The following SLC44A5 variants were observed in gnomAD, a reference collection of about 807,000 sequenced individuals.
The protein encoded by SLC44A5 is solute carrier family 44 member 5.
A neutral mutation model predicts 101.8 loss-of-function variants in SLC44A5; 57 were observed. The ratio of observed to expected loss-of-function variants is 0.56; its 90% CI spans 0.45 to 0.70. The LOEUF is 0.70. SLC44A5 is among the 30% of genes least tolerant of loss of function. The pLI is 0.00. For missense variants in SLC44A5, 737 were observed against 853.1 expected, an observed-to-expected ratio of 0.86 and a Z score of 1.70; for synonymous variants, 281 against 290.9, an observed-to-expected ratio of 0.97 and a Z score of 0.35.
chr1:75,675,576 T>C, the SLC44A5 span, among the ~76,000 whole-genome samples: 7 of 152,116 alleles, frequency 4.6e-5, no homozygotes, highest in African/African-American at 1.7e-4. Context: ...AAGACTTAAA[T>C]ATAAAATCAA....
chr1:75,723,554 C>T, the SLC44A5 span: 2 of 152,092 alleles, frequency 1.3e-5, no homozygotes, highest in African/African-American at 4.8e-5. Context: ...TGATTTTGTG[C>T]TTTTCGTTCA....
intron 14 of SLC44A5, among the ~76,000 whole-genome samples, chr1:75,221,277 T>C (rs1475586699): frequency 6.6e-6 from 1 of 152,212 alleles, no homozygotes. Context: ...TCATTAACAA[T>C]GTAGTTTCCA....
At chr1:75,320,493 G>A (rs1570666319) in intron 4 of SLC44A5, among the ~76,000 whole-genome samples, 2 of 152,134 alleles carry the variant, frequency 1.3e-5, no homozygotes, top group Middle Eastern at 3.4e-3. Flanking sequence ...ACTCTAAAAG[G>A]CTTAGCATAA....
At chr1:75,703,889 GA>G in the SLC44A5 span, among the ~76,000 whole-genome samples, 20 of 147,370 alleles carry the variant, frequency 1.4e-4, no homozygotes, top group South Asian at 1.3e-3. Context: ...AGGAATCAAA[GA>G]AAAAAAAAAC....
At chr1:75,292,338 G>A (rs1242246521) in intron 5 of SLC44A5, among the ~76,000 whole-genome samples, 1 of 152,078 alleles carries the variant, frequency 6.6e-6, no homozygotes, top group Non-Finnish European at 1.5e-5. Flanking sequence ...ACAATGTATT[G>A]TATCTGAAAA....
At chr1:75,422,737 C>G (rs1472565421) in intron 2 of SLC44A5, among the ~76,000 whole-genome samples, 1 of 152,146 alleles carries the variant, frequency 6.6e-6, no homozygotes, top group African/African-American at 2.4e-5. Flanking sequence ...CTTATCTGTT[C>G]CGTTTGCTGT....
At chr1:75,507,662 G>A (rs1669345689) in intron 2 of SLC44A5, among the ~76,000 whole-genome samples, 1 of 152,152 alleles carries the variant, frequency 6.6e-6, no homozygotes, top group African/African-American at 2.4e-5. Context: ...GAATTCAGCT[G>A]TGAGTCTGTC....
intron 3 of SLC44A5, among the ~76,000 whole-genome samples, chr1:75,395,430 T>G (rs905150560): frequency 3.9e-5 from 6 of 152,144 alleles, no homozygotes; most frequent in African/African-American, 1.4e-4. Context: ...ATTTACAAAA[T>G]AGCCTCTACA....
intron 1 of SLC44A5, among the ~76,000 whole-genome samples, chr1:75,595,812 T>C (rs1487611382): frequency 2.0e-5 from 3 of 152,218 alleles, no homozygotes; most frequent in Non-Finnish European, 2.9e-5. Flanking sequence ...CTTAATTTTA[T>C]ATTCATGTAT....
intron 3 of SLC44A5, among the ~76,000 whole-genome samples, chr1:75,358,885 A>G (rs1015188169): frequency 1.3e-5 from 2 of 152,130 alleles, no homozygotes; most frequent in Admixed American, 1.3e-4. Flanking sequence ...GAGATATACA[A>G]TGTATTATTG....
chr1:75,338,177 T>A (rs957674485), intron 4 of SLC44A5, among the ~76,000 whole-genome samples: 16 of 152,224 alleles, frequency 1.1e-4, no homozygotes, highest in African/African-American at 3.9e-4. Flanking sequence ...CCTTTGAAGG[T>A]CTTTGTGGTG....
rs540857345 is a variant in SLC44A5 at position 75,373,967 on chromosome 1, G to C, written c.52+22616C>G. Among the ~76,000 whole-genome samples, 7 of 152,292 alleles carry C rather than the reference G, an allele frequency of 4.6e-5. No individual in the cohort carries two copies. The South Asian group carries it at 1.2e-3, about 27-fold the overall frequency. On this transcript the variant is annotated intron_variant, in intron 3 of 23. Transcript: ENST00000370859. ...TCAGAACACTGAGGGAGTGTGGCCT[G>C]TGCTCATGTGGTGGCATGGGAGCTG...
chr1:75,577,087 T>C lies in SLC44A5; in HGVS notation c.-70+33953A>G, dbSNP rs1570655993. Among the ~76,000 whole-genome samples, 3 of 152,174 alleles carry C rather than the reference T, an allele frequency of 2.0e-5. No homozygotes were observed. The South Asian group carries it at 6.2e-4, about 31-fold the overall frequency. On this transcript the variant is annotated intron_variant, in intron 1 of 23. Transcript: ENST00000370859. ...ATTGACTCTTCTCTTTCAGACACCATATCCTGTTGGCTCTATCTTCAAAAT... is the reference window on the plus strand; with the variant it reads ...ATTGACTCTTCTCTTTCAGACACCACATCCTGTTGGCTCTATCTTCAAAAT...
At chr1:75,271,536 A>G (rs1252746407) in intron 6 of SLC44A5, among the ~76,000 whole-genome samples, 1 of 127,110 alleles carries the variant, frequency 7.9e-6, no homozygotes, top group Non-Finnish European at 1.7e-5. Context: ...CTCATAGCTT[A>G]GCTCTCACTT....
intron 4 of SLC44A5, among the ~76,000 whole-genome samples, chr1:75,308,114 T>C (rs556890891): frequency 1.3e-5 from 2 of 152,328 alleles, no homozygotes; most frequent in East Asian, 3.9e-4. Context: ...TTTTAAACTG[T>C]TGTTTAAAAA....
intron 3 of SLC44A5, among the ~76,000 whole-genome samples, chr1:75,358,107 GA>G (rs1307321039): frequency 1.3e-5 from 2 of 152,066 alleles, no homozygotes; most frequent in Middle Eastern, 6.8e-3. Flanking sequence ...TTTCCTGCCA[GA>G]AACCGTATCT....
chr1:75,215,695 G>T (rs1646946569), intron 19 of SLC44A5, 59 bp downstream of exon 19: 1 of 999,586 alleles, frequency 1.0e-6, no homozygotes, highest in Non-Finnish European at 1.6e-6. Context: ...GGGCAATGTA[G>T]ACACAAGGTT....
chr1:75,259,087 G>T (rs1012594239), intron 6 of SLC44A5, among the ~76,000 whole-genome samples: 30 of 152,226 alleles, frequency 2.0e-4, no homozygotes, highest in African/African-American at 6.7e-4. Flanking sequence ...AGCACAAAAA[G>T]GCTGAAAATT....
At chr1:75,365,915 C>T (rs986252559) in intron 3 of SLC44A5, among the ~76,000 whole-genome samples, 13 of 152,180 alleles carry the variant, frequency 8.5e-5, no homozygotes. Flanking sequence ...TATACTTCTA[C>T]TTCACTACTC....
Sources: gnomAD v4.1 joint callset for allele counts (sites outside exome capture counted in the v4.1 genomes callset) on GRCh38, gnomAD v4.1.1 for gene constraint, MANE v1.5 for transcripts, NCBI Gene and HGNC (gene_info 2026-07-23, HGNC 2026-07-21) for gene names.